GALK1: variants seen among roughly 807,000 people sequenced by gnomAD.
The protein encoded by GALK1 is galactokinase.
A neutral mutation model predicts 38.6 loss-of-function variants in GALK1; 30 were observed. The observed-to-expected ratio is 0.78, with a 90% CI of 0.58 to 1.05. GALK1 has a LOEUF of 1.05. GALK1 is among the 50% of genes least tolerant of loss of function. The pLI is 0.00. For synonymous variants in GALK1, 240 were observed against 233.6 expected (o/e 1.03, Z -0.25); for missense variants, 512 against 540.5 (o/e 0.95, Z 0.52).
downstream of GALK1, chr17:75,754,755 C>T (rs1427099711): frequency 2.5e-6 from 4 of 1,612,582 alleles, no homozygotes; most frequent in African/African-American, 4.0e-5. Flanking sequence ...CCGCTCAGAA[C>T]ACTCACACTC....
At chr17:75,758,638 G>A in intron 5 of GALK1, 39 bp from the exon 6 acceptor site, 1 of 1,560,984 alleles carries the variant, frequency 6.4e-7, no homozygotes, top group Non-Finnish European at 8.6e-7. Context: ...CCTTCTCACT[G>A]CCTGGGGCCC....
At position 75,758,398 on chromosome 17, in the gene GALK1, G is replaced by A. The variant is rs746036867; in HGVS notation, c.945-26C>T. On this transcript the variant is annotated intron_variant, in intron 6 of 7. Transcript: ENST00000588479. Reference sequence around the variant, plus strand: ...CTGCAGAGAGGATATTGAAGGGGTGGGCCTGGGCCGGCCTGTGCCCGGCAG... The same window carrying A: ...CTGCAGAGAGGATATTGAAGGGGTGAGCCTGGGCCGGCCTGTGCCCGGCAG... 9 of 1,577,690 alleles carry A rather than the reference G, an allele frequency of 5.7e-6. No individual in the cohort carries two copies. The East Asian group carries it at 2.1e-4, about 36-fold the overall frequency.
downstream of GALK1, chr17:75,757,456 C>CACA: frequency 1.2e-6 from 2 of 1,612,182 alleles, no homozygotes; most frequent in Non-Finnish European, 1.7e-6. Context: ...AGGCAGGCGG[C>CACA]TCCCTCACCC....
downstream of GALK1, chr17:75,755,901 C>T (rs1475476667): frequency 6.3e-7 from 1 of 1,578,610 alleles, no homozygotes; most frequent in Middle Eastern, 2.3e-4. Context: ...CAAGGCCTGG[C>T]CCCAGTGTGA....
At chr17:75,757,365 G>A (rs1350789926), downstream of GALK1, 35 of 1,612,750 alleles carry the variant, frequency 2.2e-5, no homozygotes, top group Non-Finnish European at 2.9e-5. Flanking sequence ...AGCTAGCAGA[G>A]GGAGAAGGGC....
chr17:75,751,533 T>C, downstream of GALK1: 1 of 269,454 alleles, frequency 3.7e-6, no homozygotes, highest in Non-Finnish European at 7.3e-6. Context: ...GGTGGACTGC[T>C]TGAGGTCAGG....
rs2061593526 is a variant in GALK1 at position 75,762,889 on chromosome 17, G to C, written c.612-4C>G. ...CACCAGGCTGGTCTCCAAGGACCTG[G>C]GGTGGAGTTACAATGGGGGAGATGA... is the stretch of plus-strand genomic sequence containing the variant. On this transcript the variant is annotated splice_region_variant and splice_polypyrimidine_tract_variant and intron_variant, in intron 4 of 7. Coordinates refer to ENST00000588479, the MANE Select transcript of GALK1 (RefSeq NM_000154.2). 6.2e-7 allele frequency: 1 copy of C among 1,613,236 alleles called. No homozygotes were observed. Among genetic ancestry groups the C allele is most frequent in the African/African-American group, 1.3e-5 (1 of 75,054 alleles).
downstream of GALK1, chr17:75,754,474 C>T: frequency 6.7e-7 from 1 of 1,495,824 alleles, no homozygotes; most frequent in Non-Finnish European, 9.2e-7. Flanking sequence ...AAGCAAAAGC[C>T]ACCCAGAGGG....
At chr17:75,763,277 T>C in intron 3 of GALK1, 43 bp downstream of exon 3, 1 of 1,613,762 alleles carries the variant, frequency 6.2e-7, no homozygotes, top group Non-Finnish European at 8.5e-7. Context: ...CCTGGAGACC[T>C]CAGGGAAGGA....
chr17:75,763,150 C>A lies in GALK1; in HGVS notation c.476-1G>T, dbSNP rs2061595209. On this transcript the variant is annotated splice_acceptor_variant, in intron 3 of 7. Transcript: ENST00000588479. LOFTEE classifies it high-confidence loss of function. ...GCGCGGGCAGCTATTGTGCCCGAGT[C>A]TGCAGTACAGGGTGAGGTGGGGAGG... 6.2e-7 allele frequency: 1 copy of A among 1,611,588 alleles called. No homozygotes were observed. Among genetic ancestry groups the A allele is most frequent in the Admixed American group, 1.7e-5 (1 of 59,998 alleles).
downstream of GALK1, chr17:75,753,744 C>T (rs1237629608): frequency 2.1e-6 from 3 of 1,398,822 alleles, no homozygotes; most frequent in Non-Finnish European, 1.9e-6. Flanking sequence ...GGTGCCAACG[C>T]GGCCCTTCGT....
chr17:75,757,237 C>T, downstream of GALK1: 1 of 1,612,012 alleles, frequency 6.2e-7, no homozygotes, highest in Non-Finnish European at 8.5e-7. Context: ...CCGGGCTCTT[C>T]CAGCACCCGC....
rs996395516 is a variant in GALK1 at position 75,762,951 on chromosome 17, G to A, written c.611+63C>T. 13 of 1,459,382 alleles carry A rather than the reference G, an allele frequency of 8.9e-6. No homozygotes were observed. In the Admixed American group the frequency reaches 8.9e-5, roughly 10 times the overall value. The allele number at this position is 1,459,382 out of a possible 1,614,324, so 90.4% of individuals were successfully genotyped here. On this transcript the variant is annotated intron_variant, in intron 4 of 7. Coordinates refer to ENST00000588479, the MANE Select transcript of GALK1 (RefSeq NM_000154.2). ...GTGTGCTTGCTGCGCCAGGCAGTGG[G>A]CACACTCCCACCCAGGAGCTGCTGA...
downstream of GALK1, chr17:75,755,995 A>C: frequency 9.9e-7 from 1 of 1,013,096 alleles, no homozygotes. Context: ...AGGGTCTCCC[A>C]CCCCATTCTC....
chr17:75,760,591 C>T (rs137881137), intron 5 of GALK1, among the ~76,000 whole-genome samples: 3,278 of 151,140 alleles, frequency 0.022, 69 homozygotes, highest in Non-Finnish European at 0.036. Context: ...TATAGTGAAA[C>T]CCAGTGTCCA....
At chr17:75,752,683 A>G (rs988786723) in intron 8 of GALK1, 3 of 1,417,336 alleles carry the variant, frequency 2.1e-6, no homozygotes, top group African/African-American at 2.8e-5. Flanking sequence ...GAGGACATGG[A>G]GGTTAAGGCA....
chr17:75,752,271 G>A lies in GALK1; in HGVS notation c.*23-534C>T, dbSNP rs769365580. 3.8e-5 allele frequency: 61 copies of A among 1,613,364 alleles called. No individual in the cohort carries two copies. The highest frequency in any genetic ancestry group is 4.7e-5 in the Non-Finnish European group (56 of 1,180,036). ...GGGAGTCCCAGCCCTACCGCTACAC[G>A]GTGAAGGCGCGCAACGGGGCCGGCT... On this transcript the variant is annotated intron_variant, in intron 8 of 8. Coordinates refer to the GALK1 transcript ENST00000225614.
downstream of GALK1, chr17:75,753,745 G>A (rs1283456335): frequency 2.1e-6 from 3 of 1,399,430 alleles, no homozygotes; most frequent in Middle Eastern, 2.3e-4. Flanking sequence ...GTGCCAACGC[G>A]GCCCTTCGTT....
chr17:75,754,793 C>T (rs779094910), downstream of GALK1: 4 of 1,614,044 alleles, frequency 2.5e-6, no homozygotes, highest in African/African-American at 5.3e-5. Context: ...ACTACTCCAC[C>T]CTCACCTCCG....
Sources: allele counts gnomAD v4.1 joint callset (sites outside exome capture counted in the v4.1 genomes callset), GRCh38; gene constraint gnomAD v4.1.1; transcripts MANE v1.5; gene names NCBI Gene and HGNC (gene_info 2026-07-23, HGNC 2026-07-21).